LRRC42: variants seen among roughly 807,000 people sequenced by gnomAD.
The protein encoded by LRRC42 is leucine rich repeat containing 42, also known as leucine-rich repeat-containing protein 42.
A neutral mutation model predicts 44.3 loss-of-function variants in LRRC42; 43 were observed. That is an observed-to-expected ratio of 0.97 (90% confidence interval 0.76 to 1.25). The LOEUF is 1.25. LRRC42 is among the 50% of genes most tolerant of loss of function. The pLI is 0.00. For synonymous variants in LRRC42, 207 were observed against 195.2 expected (o/e 1.06, Z -0.50); for missense variants, 540 against 509.1 (o/e 1.06, Z -0.58).
chr1:53,946,732 C>T (rs1399326220), intron 1 of LRRC42, among the ~76,000 whole-genome samples, 183 bp downstream of exon 1: 2 of 79,226 alleles, frequency 2.5e-5, no homozygotes, highest in African/African-American at 4.9e-5. Context: ...CGTAGGGGTG[C>T]GGGGGCAGGC....
At chr1:53,961,999 T>G in intron 5 of LRRC42, 35 bp from the exon 6 acceptor site, 1 of 1,453,072 alleles carries the variant, frequency 6.9e-7, no homozygotes, top group Non-Finnish European at 9.6e-7. Context: ...AGCATTTATA[T>G]TGTGACAGAA....
chr1:53,952,544 G>T, intron 3 of LRRC42, 72 bp downstream of exon 3: 1 of 1,248,734 alleles, frequency 8.0e-7, no homozygotes, highest in Non-Finnish European at 1.1e-6. Flanking sequence ...GGGCTTAGTG[G>T]GCTCAGGGGC....
At chr1:53,949,205 G>A (rs1229319921) in intron 2 of LRRC42, among the ~76,000 whole-genome samples, 1 of 152,112 alleles carries the variant, frequency 6.6e-6, no homozygotes, top group Non-Finnish European at 1.5e-5. Context: ...CTAGCCCCAA[G>A]CTGCTTGTGC....
At chr1:53,967,643 T>TCA in intron 8 of LRRC42, 22 bp from the exon 9 acceptor site, 1 of 1,611,420 alleles carries the variant, frequency 6.2e-7, no homozygotes, top group Non-Finnish European at 8.5e-7. Context: ...AGTGAACTCA[T>TCA]CATCCCTCCC....
intron 1 of LRRC42, among the ~76,000 whole-genome samples, chr1:53,946,980 C>G (rs1043657091): frequency 1.3e-5 from 2 of 150,660 alleles, no homozygotes; most frequent in Non-Finnish European, 3.0e-5. Flanking sequence ...GATAGTGAGG[C>G]GTGAAGGAAG....
At chr1:53,964,995 A>ATTTTTTT (rs1557649612) in intron 7 of LRRC42, among the ~76,000 whole-genome samples, 6 of 137,654 alleles carry the variant, frequency 4.4e-5, no homozygotes, top group African/African-American at 1.8e-4. Flanking sequence ...CTGGAACTGT[A>ATTTTTTT]TTGTTTTTTT....
intron 3 of LRRC42, among the ~76,000 whole-genome samples, chr1:53,957,212 C>T (rs1306675550): frequency 6.6e-6 from 1 of 152,148 alleles, no homozygotes; most frequent in Non-Finnish European, 1.5e-5. Context: ...TAGGTGTAAC[C>T]CCACTGATCC....
In LRRC42 at chr1:53,967,649, C is replaced by A. The variant is rs201664743; in HGVS notation, c.1013-16C>A. On this transcript the variant is annotated splice_polypyrimidine_tract_variant and intron_variant, in intron 8 of 8. Coordinates refer to ENST00000371370, the MANE Select transcript of LRRC42 (RefSeq NM_001256409.2). Reference sequence around the variant, plus strand: ...TGCCAGTGTAGTGAACTCATCATCCCTCCCTTCTGTCACAGATGGGAAGCG... The same window carrying A: ...TGCCAGTGTAGTGAACTCATCATCCATCCCTTCTGTCACAGATGGGAAGCG... 1 of 1,610,906 alleles carries A rather than the reference C, an allele frequency of 6.2e-7. No individual in the cohort carries two copies. Among genetic ancestry groups the A allele is most frequent in the South Asian group, 1.1e-5 (1 of 90,980 alleles).
chr1:53,966,241 G>T, intron 7 of LRRC42, 55 bp from the exon 8 acceptor site: 1 of 1,407,084 alleles, frequency 7.1e-7, no homozygotes, highest in South Asian at 1.2e-5. Context: ...AGAAAGGCTT[G>T]AGATTAAAAT....
intron 3 of LRRC42, among the ~76,000 whole-genome samples, chr1:53,957,164 T>C (rs1490711615): frequency 6.6e-6 from 1 of 152,202 alleles, no homozygotes; most frequent in East Asian, 1.9e-4. Context: ...TTTTTGGCAG[T>C]TGTGATCCTG....
At chr1:53,954,479 C>T (rs1342669770) in intron 3 of LRRC42, among the ~76,000 whole-genome samples, 14 of 152,258 alleles carry the variant, frequency 9.2e-5, no homozygotes, top group Non-Finnish European at 2.1e-4. Flanking sequence ...AAAGTTAGAA[C>T]AATGGCAAAA....
intron 4 of LRRC42, 123 bp downstream of exon 4, chr1:53,958,403 TA>T: frequency 7.8e-7 from 1 of 1,280,194 alleles, no homozygotes; most frequent in Non-Finnish European, 1.1e-6. Flanking sequence ...TTTTTTTTCC[TA>T]AAACATTTTC....
In LRRC42 at chr1:53,968,120, T is replaced by C; in HGVS notation, c.*181T>C. 1.6e-6 allele frequency: 1 copy of C among 606,432 alleles called. No homozygotes were observed. The highest frequency in any genetic ancestry group is 2.8e-6 in the Non-Finnish European group (1 of 356,712). 37.6% of individuals were successfully genotyped at this position (606,432 alleles called of 1,614,324 possible). A position where few individuals can be genotyped will look rare whatever the true frequency, so the allele number is the denominator to read the frequency against. On this transcript the variant is annotated 3_prime_UTR_variant, in exon 9 of 9. Transcript: ENST00000371370. ...AGTATGTAATAATTTCTAATGTATA[T>C]TTTCAATACATAGTAATTTTTTCAA... is the stretch of plus-strand genomic sequence containing the variant.
At chr1:53,951,702 G>A (rs1171995711) in intron 2 of LRRC42, among the ~76,000 whole-genome samples, 5 of 152,234 alleles carry the variant, frequency 3.3e-5, no homozygotes, top group African/African-American at 1.2e-4. Flanking sequence ...TGAGATTACA[G>A]GCGTGAGCTA....
At chr1:53,950,183 AG>A (rs1654633109) in intron 2 of LRRC42, among the ~76,000 whole-genome samples, 1 of 152,178 alleles carries the variant, frequency 6.6e-6, no homozygotes, top group Admixed American at 6.5e-5. Context: ...TTCCCAGAAG[AG>A]GGACGAAGTT....
In LRRC42 at chr1:53,962,115, G is replaced by A. The variant is rs1213205478; in HGVS notation, c.806G>A (p.Gly269Glu). 6.2e-7 allele frequency: 1 copy of A among 1,612,366 alleles called. No homozygotes were observed. The highest frequency in any genetic ancestry group is 2.2e-5 in the East Asian group (1 of 44,866). Residue 269 changes from glycine to glutamate, a missense_variant, in exon 6 of 9, where the codon GGG becomes GAG. By Grantham distance (98) the Gly-to-Glu change is moderately conservative. Transcript: ENST00000371370. ...KLNCLDISGT[G>E]LKDIKTVKHK... ...AACTGCTTAGATATCTCTGGGACAGGGCTCAAGGTAAGACTTTTGGTTCCT... is the reference window on the plus strand; with the variant it reads ...AACTGCTTAGATATCTCTGGGACAGAGCTCAAGGTAAGACTTTTGGTTCCT...
chr1:53,956,418 A>G (rs761068069), intron 3 of LRRC42, among the ~76,000 whole-genome samples: 1 of 152,230 alleles, frequency 6.6e-6, no homozygotes, highest in Non-Finnish European at 1.5e-5. Context: ...GCAAGATGCC[A>G]TGGAATTTTA....
intron 4 of LRRC42, 127 bp from the exon 5 acceptor site, chr1:53,960,229 G>A: frequency 1.5e-6 from 1 of 662,756 alleles, no homozygotes; most frequent in African/African-American, 1.8e-5. Context: ...TAAATGCATT[G>A]GGTATGAAAT....
intron 2 of LRRC42, 47 bp downstream of exon 2, chr1:53,947,868 G>A (rs770305302): frequency 3.9e-5 from 6 of 152,146 alleles, no homozygotes; most frequent in Non-Finnish European, 8.8e-5. Context: ...TAAGGTTGAT[G>A]TCATATTTTT....
Sources: gnomAD v4.1 joint callset for allele counts (sites outside exome capture counted in the v4.1 genomes callset) on GRCh38, gnomAD v4.1.1 for gene constraint, MANE v1.5 for transcripts, NCBI Gene and HGNC (gene_info 2026-07-23, HGNC 2026-07-21) for gene names.